The following RCAN2 variants were observed in gnomAD, a reference collection of about 807,000 sequenced individuals.
RCAN2 encodes the protein regulator of calcineurin 2.
In RCAN2, 9 loss-of-function variants were observed where a neutral mutation model predicts 23.6. The ratio of observed to expected loss-of-function variants is 0.38; its 90% CI spans 0.23 to 0.67. The LOEUF (loss-of-function observed/expected upper bound fraction) is 0.67. Among genes scored for constraint, RCAN2 ranks in the 30% least tolerant of loss-of-function variants. The pLI, the probability that RCAN2 is intolerant of heterozygous loss-of-function variation, is 0.51. For synonymous variants in RCAN2, 109 were observed against 115.7 expected, an observed-to-expected ratio of 0.94 and a Z score of 0.37; for missense variants, 273 against 302.3, an observed-to-expected ratio of 0.90 and a Z score of 0.72.
chr6:46,456,904 G>C lies in RCAN2; in HGVS notation c.73C>G (p.Leu25Val). Residue 25 changes from leucine (L) to valine (V), a missense_variant, in exon 2 of 5, where the codon CTT (leucine) becomes GTT (valine). Transcript: ENST00000371374. ...CTGTCTATGCAGCACAGTAAGAAAAGTCCTCCATCTTCAGGGACGTGTCCC... is the reference window on the plus strand; with the variant it reads ...CTGTCTATGCAGCACAGTAAGAAAACTCCTCCATCTTCAGGGACGTGTCCC... Reference protein sequence around the residue: ...QQGHVPEDGGLFLLCCIDRDW... With the variant: ...QQGHVPEDGGVFLLCCIDRDW... 1 of 1,550,720 alleles carries C rather than the reference G, an allele frequency of 6.4e-7. No individual in the cohort carries two copies. Among genetic ancestry groups the C allele is most frequent in the South Asian group, 1.2e-5 (1 of 84,068 alleles).
intron 2 of RCAN2, among the ~76,000 whole-genome samples, chr6:46,363,572 T>C (rs985947554): frequency 1.3e-5 from 2 of 152,168 alleles, no homozygotes; most frequent in South Asian, 4.1e-4. Flanking sequence ...GCATGACTTA[T>C]AATTTATTAT....
At chr6:46,476,503 C>A (rs1456668256) in intron 1 of RCAN2, among the ~76,000 whole-genome samples, 1 of 152,114 alleles carries the variant, frequency 6.6e-6, no homozygotes, top group Admixed American at 6.5e-5. Flanking sequence ...TGGTGAGTAA[C>A]AAAACATGGT....
chr6:46,342,690 T>C (rs1764364646), intron 2 of RCAN2, among the ~76,000 whole-genome samples: 1 of 151,484 alleles, frequency 6.6e-6, no homozygotes, highest in Non-Finnish European at 1.5e-5. Flanking sequence ...GCCCTTCCCA[T>C]GGGAGCAAAA....
intron 2 of RCAN2, among the ~76,000 whole-genome samples, chr6:46,411,326 G>T (rs954377809): frequency 6.6e-6 from 1 of 152,184 alleles, no homozygotes; most frequent in Non-Finnish European, 1.5e-5. Context: ...GATTGACAGG[G>T]CCTGGGAGGA....
intron 2 of RCAN2, among the ~76,000 whole-genome samples, chr6:46,291,808 T>C (rs1762569760): frequency 6.6e-6 from 1 of 152,140 alleles, no homozygotes. Flanking sequence ...GCCCTATGCA[T>C]ACCTAAGAAG....
intron 4 of RCAN2, among the ~76,000 whole-genome samples, chr6:46,223,983 G>T (rs558430350): frequency 6.6e-6 from 1 of 152,324 alleles, no homozygotes; most frequent in South Asian, 2.1e-4. Context: ...GTTCATAAAG[G>T]CTACAAGGTA....
rs140126786 is a variant in RCAN2 at position 46,438,858 on chromosome 6, G to A, written c.225+17894C>T. On this transcript the variant is annotated intron_variant, in intron 2 of 4. Transcript: ENST00000371374. ...AGAGCAATACTTGGGACATGGTAGA[G>A]TTTCAATAATTATTAAATAATTGAT... Among the ~76,000 whole-genome samples the A allele has an allele frequency of 2.3e-3, 344 of 152,298 alleles. 1 individual carries two copies. The highest frequency in any genetic ancestry group is 2.9e-3 in the Non-Finnish European group (194 of 68,022).
At chr6:46,235,974 C>T (rs1043101729) in intron 4 of RCAN2, among the ~76,000 whole-genome samples, 7 of 152,144 alleles carry the variant, frequency 4.6e-5, no homozygotes, top group African/African-American at 9.7e-5. Context: ...TCAATGAGAA[C>T]AACACTCATA....
chr6:46,279,286 A>C (rs1767821322), intron 2 of RCAN2, among the ~76,000 whole-genome samples: 1 of 152,188 alleles, frequency 6.6e-6, no homozygotes, highest in South Asian at 2.1e-4. Context: ...TTGTGGGTAC[A>C]TTAGCAACCA....
At chr6:46,377,401 G>A (rs368202905) in intron 2 of RCAN2, among the ~76,000 whole-genome samples, 2 of 152,166 alleles carry the variant, frequency 1.3e-5, no homozygotes, top group Non-Finnish European at 2.9e-5. Flanking sequence ...ACTTTCTTAC[G>A]TGACTAAACG....
At chr6:46,346,947 C>T (rs1016252976) in intron 2 of RCAN2, among the ~76,000 whole-genome samples, 1 of 152,100 alleles carries the variant, frequency 6.6e-6, no homozygotes, top group East Asian at 1.9e-4. Flanking sequence ...GTGATCTCCG[C>T]TCACTGCAAG....
chr6:46,315,511 A>C (rs1401886455), intron 2 of RCAN2, among the ~76,000 whole-genome samples: 5 of 152,148 alleles, frequency 3.3e-5, no homozygotes, highest in African/African-American at 9.7e-5. Flanking sequence ...AGCAAAGGCA[A>C]GTTCCAAGGG....
At position 46,305,321 on chromosome 6, in the gene RCAN2, C is replaced by T. The variant is rs369042377; in HGVS notation, c.226-56425G>A. ...ACAGGAGGTTCTATACTACACTTCA[C>T]GTAGCTTCTCAGGCTTTCCACAGAA... On this transcript the variant is annotated intron_variant, in intron 2 of 4. Coordinates refer to ENST00000371374, the MANE Select transcript of RCAN2 (RefSeq NM_001251974.2). Among the ~76,000 whole-genome samples the T allele has an allele frequency of 5.9e-5, 9 of 152,204 alleles. No homozygotes were observed. The East Asian group carries it at 1.4e-3, about 23-fold the overall frequency.
intron 2 of RCAN2, among the ~76,000 whole-genome samples, chr6:46,381,916 C>T (rs537470938): frequency 6.6e-6 from 1 of 152,308 alleles, no homozygotes; most frequent in African/African-American, 2.4e-5. Flanking sequence ...TATATTCACC[C>T]AGGCCTGTGG....
At chr6:46,481,672 C>G (rs1768863494) in intron 1 of RCAN2, among the ~76,000 whole-genome samples, 1 of 152,076 alleles carries the variant, frequency 6.6e-6, no homozygotes, top group Admixed American at 6.5e-5. Flanking sequence ...GAATAGGAAG[C>G]TGAAGAAGTA....
At chr6:46,484,957 G>A (rs913563716) in intron 1 of RCAN2, among the ~76,000 whole-genome samples, 42 of 152,296 alleles carry the variant, frequency 2.8e-4, no homozygotes, top group Admixed American at 1.6e-3. Flanking sequence ...GGTGACATCT[G>A]TATTCTCCTG....
At chr6:46,469,935 C>T (rs1346623713) in intron 1 of RCAN2, among the ~76,000 whole-genome samples, 1 of 152,112 alleles carries the variant, frequency 6.6e-6, no homozygotes, top group African/African-American at 2.4e-5. Flanking sequence ...CAATAAGGCA[C>T]CATCTTGCAA....
chr6:46,473,512 T>G (rs1164419733), intron 1 of RCAN2, among the ~76,000 whole-genome samples: 1 of 152,184 alleles, frequency 6.6e-6, no homozygotes. Flanking sequence ...AGAATTGTAA[T>G]AGACTAGAGT....
intron 2 of RCAN2, among the ~76,000 whole-genome samples, chr6:46,451,557 C>A (rs1023185105): frequency 6.6e-6 from 1 of 152,150 alleles, no homozygotes; most frequent in African/African-American, 2.4e-5. Context: ...CATCGACATT[C>A]TCCTACAAAC....
Sources: gnomAD v4.1 joint callset for allele counts (sites outside exome capture counted in the v4.1 genomes callset) on GRCh38, gnomAD v4.1.1 for gene constraint, MANE v1.5 for transcripts, NCBI Gene and HGNC (gene_info 2026-07-23, HGNC 2026-07-21) for gene names.